Variants in CTSC observed in about 807,000 individuals in gnomAD.
CTSC encodes dipeptidyl peptidase 1.
In CTSC, 37 loss-of-function variants were observed where a neutral mutation model predicts 40.9. The ratio of observed to expected loss-of-function variants is 0.91; its 90% CI spans 0.70 to 1.19. The LOEUF is 1.19. Ranked by LOEUF, CTSC falls within the 50% of genes most tolerant of loss-of-function variation. CTSC has a pLI of 0.00. For missense variants in CTSC, 594 were observed against 567.3 expected (o/e 1.05, Z -0.48); for synonymous variants, 232 against 207.4 (o/e 1.12, Z -1.02).
chr11:88,314,398 T>C (rs12792728), intron 2 of CTSC, among the ~76,000 whole-genome samples: 1 of 152,160 alleles, frequency 6.6e-6, no homozygotes, highest in Admixed American at 6.5e-5. Context: ...GAGTTAAAAA[T>C]GTATGGCTTT....
chr11:88,321,609 A>G (rs1356191647), intron 2 of CTSC: 1 of 152,144 alleles, frequency 6.6e-6, no homozygotes, highest in African/African-American at 2.4e-5. Flanking sequence ...AAAGGACAGG[A>G]TCTCATTCCT....
chr11:88,309,550 A>G (rs1441244215), intron 3 of CTSC, among the ~76,000 whole-genome samples: 4 of 152,174 alleles, frequency 2.6e-5, no homozygotes, highest in Non-Finnish European at 4.4e-5. Context: ...CTTTTAAACT[A>G]CTAATAGATT....
Position 88,293,847 on chromosome 11 carries a change from A to G in CTSC, c.*159T>C. 4.7e-6 allele frequency: 4 copies of G among 848,552 alleles called. No homozygotes were observed. The highest frequency in any genetic ancestry group is 7.5e-6 in the Non-Finnish European group (4 of 536,256). The allele number at this position is 848,552 out of a possible 1,614,324, so 52.6% of individuals were successfully genotyped here. A position where few individuals can be genotyped will look rare whatever the true frequency, so the allele number is the denominator to read the frequency against. The stretch of plus-strand genomic sequence containing the variant: ...AATGGCCAGTGGCCGATTGAAAGGT[A>G]TATTAAAATTAAGGGCAGTTTTAAT... On this transcript the variant is annotated 3_prime_UTR_variant, in exon 7 of 7. Transcript: ENST00000227266.
intron 1 of CTSC, among the ~76,000 whole-genome samples, chr11:88,336,813 T>C (rs967363121): frequency 6.6e-6 from 1 of 152,202 alleles, no homozygotes; most frequent in African/African-American, 2.4e-5. Context: ...TGAAGGCATA[T>C]GGAATATCTC....
At chr11:88,327,656 A>G (rs545863542) in intron 2 of CTSC, among the ~76,000 whole-genome samples, 30 of 152,290 alleles carry the variant, frequency 2.0e-4, no homozygotes, top group Non-Finnish European at 4.0e-4. Context: ...GAGTATGTCA[A>G]TTTCTCTGTA....
At chr11:88,327,946 A>C (rs989689897) in intron 2 of CTSC, 1 of 658,644 alleles carries the variant, frequency 1.5e-6, no homozygotes, top group Admixed American at 2.4e-5. Flanking sequence ...AGTGCAGACA[A>C]CTTAGAAACA....
chr11:88,328,170 C>G, intron 2 of CTSC: 1 of 1,613,416 alleles, frequency 6.2e-7, no homozygotes, highest in Non-Finnish European at 8.5e-7. Flanking sequence ...GCTGCATGAA[C>G]AAATGACTGA....
intron 2 of CTSC, among the ~76,000 whole-genome samples, chr11:88,330,371 T>A (rs992854694): frequency 6.6e-6 from 1 of 152,046 alleles, no homozygotes. Context: ...TTTTTATTAT[T>A]ATTATTATTT....
At chr11:88,316,756 G>T (rs977666228) in intron 2 of CTSC, among the ~76,000 whole-genome samples, 20 of 152,138 alleles carry the variant, frequency 1.3e-4, no homozygotes, top group African/African-American at 4.6e-4. Flanking sequence ...CAGTTAACAA[G>T]GCACTGAGAA....
chr11:88,324,953 G>A (rs1938139766), intron 2 of CTSC: 1 of 985,128 alleles, frequency 1.0e-6, no homozygotes, highest in South Asian at 4.7e-5. Flanking sequence ...AGAGTCATCT[G>A]AATCAACAGA....
At chr11:88,312,180 A>G (rs960771138) in intron 3 of CTSC, among the ~76,000 whole-genome samples, 2 of 152,216 alleles carry the variant, frequency 1.3e-5, no homozygotes, top group African/African-American at 4.8e-5. Flanking sequence ...TAAAGTAATC[A>G]TTGGTCCATT....
Position 88,337,560 on chromosome 11 carries a change from G to C in CTSC, c.113C>G (p.Thr38Ser), listed in dbSNP as rs758568173. 12 of 1,576,468 alleles carry C rather than the reference G, an allele frequency of 7.6e-6. No individual in the cohort carries two copies. In the African/African-American group the frequency reaches 1.6e-4, roughly 21 times the overall value. Residue 38 changes from threonine (T) to serine (S), a missense_variant, in exon 1 of 7, where the codon ACC (threonine) becomes AGC (serine). By Grantham distance (58) the Thr-to-Ser change is moderately conservative (BLOSUM62 1). Coordinates refer to ENST00000227266, the MANE Select transcript of CTSC (RefSeq NM_001814.6). ...ANCTYLDLLG[T>S]WVFQVGSSGS... ...GCTGGAGCCCACCTGGAAGACCCAGGTGCCCAGCAGGTCAAGATAGGTGCA... is the reference window on the plus strand; with the variant it reads ...GCTGGAGCCCACCTGGAAGACCCAGCTGCCCAGCAGGTCAAGATAGGTGCA...
At position 88,294,469 on chromosome 11, in the gene CTSC, T is replaced by C. The variant is rs1944277040; in HGVS notation, c.929A>G (p.Tyr310Cys). The C allele has an allele frequency of 6.2e-7, 1 of 1,614,026 alleles. No individual in the cohort carries two copies. The highest frequency in any genetic ancestry group is 1.3e-5 in the African/African-American group (1 of 74,924). Residue 310 changes from tyrosine (Y) to cysteine (C), a missense_variant, in exon 7 of 7, where the codon TAC (tyrosine) becomes TGC (cysteine). Coordinates refer to ENST00000227266, the MANE Select transcript of CTSC (RefSeq NM_001814.6). ...GGFPYLIAGK[Y>C]AQDFGLVEEA... The stretch of plus-strand genomic sequence containing the variant: ...TTCCACCAGCCCAAAATCTTGGGCG[T>C]ACTTTCCTGCAATAAGGTATGGGAA...
At chr11:88,324,334 A>G in intron 2 of CTSC, 4 of 965,862 alleles carry the variant, frequency 4.1e-6, no homozygotes, top group Non-Finnish European at 4.9e-6. Flanking sequence ...CATTGAATAT[A>G]TTTTTTACAT....
At chr11:88,314,021 G>A (rs538047) in intron 2 of CTSC, among the ~76,000 whole-genome samples, 70,255 of 151,952 alleles carry the variant, frequency 0.46, 16,882 homozygotes, top group Middle Eastern at 0.57. Flanking sequence ...TAAAATTTCT[G>A]TTTACAAAAA....
intron 4 of CTSC, among the ~76,000 whole-genome samples, chr11:88,308,346 C>T (rs1565254665): frequency 2.6e-5 from 4 of 152,066 alleles, no homozygotes; most frequent in Non-Finnish European, 5.9e-5. Flanking sequence ...GATTGTCAGC[C>T]GTTATTCCAG....
intron 5 of CTSC, 197 bp from the exon 6 acceptor site, chr11:88,296,461 A>G: frequency 1.7e-6 from 1 of 586,104 alleles, no homozygotes; most frequent in Admixed American, 2.8e-5. Context: ...ATCCTTTTTC[A>G]TCAAAAGGCA....
chr11:88,295,744 T>A (rs1284048156), intron 6 of CTSC, among the ~76,000 whole-genome samples: 1 of 152,078 alleles, frequency 6.6e-6, no homozygotes, highest in African/African-American at 2.4e-5. Context: ...TTAATAAAAG[T>A]TGGGTTTTGG....
rs546994213 is a variant in CTSC at position 88,319,625 on chromosome 11, T to C, written c.319-7071A>G. Among the ~76,000 whole-genome samples, 19 of 152,286 alleles carry C rather than the reference T, an allele frequency of 1.2e-4. No homozygotes were observed. In the Middle Eastern group the frequency reaches 0.01, roughly 82 times the overall value. The stretch of plus-strand genomic sequence containing the variant: ...TATTTTACATTATTTTCAAATGATA[T>C]CTTCTTAAAATATATTTTGGGTAGG... On this transcript the variant is annotated intron_variant, in intron 2 of 6. Transcript: ENST00000227266.
Sources: gnomAD v4.1 joint callset for allele counts (sites outside exome capture counted in the v4.1 genomes callset) on GRCh38, gnomAD v4.1.1 for gene constraint, MANE v1.5 for transcripts, NCBI Gene and HGNC (gene_info 2026-07-23, HGNC 2026-07-21) for gene names.